RAB3B: variants seen among roughly 807,000 people sequenced by gnomAD.
RAB3B encodes the protein ras-related protein Rab-3B.
Under a neutral mutation model 20.5 loss-of-function variants are expected in RAB3B, and 11 were observed. The observed-to-expected ratio is 0.54, with a 90% CI of 0.34 to 0.89. The LOEUF (loss-of-function observed/expected upper bound fraction) is 0.89, where lower values mean the gene tolerates loss of function less well. Among genes scored for constraint, RAB3B ranks in the 40% least tolerant of loss-of-function variants. The pLI, the probability that RAB3B is intolerant of heterozygous loss-of-function variation, is 0.02. For synonymous variants in RAB3B, 99 were observed against 106.3 expected (o/e 0.93, Z 0.42); for missense variants, 225 against 280.9 (o/e 0.80, Z 1.42).
chr1:51,965,514 G>C (rs978737363), intron 2 of RAB3B, among the ~76,000 whole-genome samples: 4 of 151,966 alleles, frequency 2.6e-5, no homozygotes, highest in Non-Finnish European at 4.4e-5. Flanking sequence ...GGGTGCGGTG[G>C]GGGGCACGTG....
chr1:51,921,159 A>G (rs1218248759), intron 4 of RAB3B, among the ~76,000 whole-genome samples: 1 of 151,958 alleles, frequency 6.6e-6, no homozygotes, highest in Non-Finnish European at 1.5e-5. Flanking sequence ...CCTCTCCATC[A>G]GTCCCCAGCC....
chr1:51,908,640 A>T lies in RAB3B; in HGVS notation c.*11287T>A, dbSNP rs1220264259. 4.6e-5 allele frequency: 7 copies of T among 151,968 alleles called. 1 individual carries two copies. The East Asian group carries it at 1.4e-3, about 30-fold the overall frequency. 9.4% of individuals were successfully genotyped at this position (151,968 alleles called of 1,614,324 possible). A position where few individuals can be genotyped will look rare whatever the true frequency, so the allele number is the denominator to read the frequency against. ...AAGCAGAGGAAGTCATACGTAGACA[A>T]AACAGATGTTTAGGTTTTCTCTTCA... On this transcript the variant is annotated 3_prime_UTR_variant, in exon 5 of 5. Transcript: ENST00000371655.
At chr1:51,967,521 C>CTTTTTTTTTTTTTTCTT (rs1684871635) in intron 2 of RAB3B, among the ~76,000 whole-genome samples, 1 of 36,496 alleles carries the variant, frequency 2.7e-5, no homozygotes, top group African/African-American at 6.8e-5. Flanking sequence ...TTTTCTTTTT[C>CTTTTTTTTTTTTTTCTT]TTTTTTTTTT....
At chr1:51,929,461 G>C (rs896190245) in intron 4 of RAB3B, among the ~76,000 whole-genome samples, 2 of 152,004 alleles carry the variant, frequency 1.3e-5, no homozygotes, top group Non-Finnish European at 1.5e-5. Flanking sequence ...CCGAGTAGCT[G>C]GGACTACATG....
At position 51,925,975 on chromosome 1, in the gene RAB3B, C is replaced by G. The variant is rs915783351; in HGVS notation, c.473-5861G>C. Among the ~76,000 whole-genome samples the G allele has an allele frequency of 5.3e-5, 8 of 152,308 alleles. 1 individual carries two copies. The highest frequency in any genetic ancestry group is 6.5e-5 in the Admixed American group (1 of 15,292). On this transcript the variant is annotated intron_variant, in intron 4 of 4. Coordinates refer to ENST00000371655, the MANE Select transcript of RAB3B (RefSeq NM_002867.4). Reference sequence around the variant, plus strand: ...AGAGGAGCAGCCCCTGCTGGGGGGCCAGCTGAGGCAGGGGGAAAATACCTG... The same window carrying G: ...AGAGGAGCAGCCCCTGCTGGGGGGCGAGCTGAGGCAGGGGGAAAATACCTG...
intron 1 of RAB3B, chr1:51,980,762 C>A: frequency 1.3e-6 from 1 of 754,522 alleles, no homozygotes; most frequent in Non-Finnish European, 2.4e-6. Context: ...GACCAAACAC[C>A]CCCACCCTGA....
At chr1:51,966,837 C>T (rs1285552798) in intron 2 of RAB3B, among the ~76,000 whole-genome samples, 3 of 152,170 alleles carry the variant, frequency 2.0e-5, no homozygotes, top group African/African-American at 7.2e-5. Flanking sequence ...TTTCCCTGTT[C>T]AGCCTCCAGA....
intron 4 of RAB3B, among the ~76,000 whole-genome samples, chr1:51,924,831 C>T (rs1684222774): frequency 6.6e-6 from 1 of 152,122 alleles, no homozygotes; most frequent in Non-Finnish European, 1.5e-5. Context: ...ACCTTTTCTT[C>T]AGGTTCATTA....
chr1:51,989,429 G>A (rs1396537273), intron 1 of RAB3B, among the ~76,000 whole-genome samples: 1 of 151,762 alleles, frequency 6.6e-6, no homozygotes, highest in Non-Finnish European at 1.5e-5. Context: ...GTGTAACAAG[G>A]TCCAGTGCCT....
In RAB3B at chr1:51,914,644, A is replaced by T. The variant is rs1166662702; in HGVS notation, c.*5283T>A. ...CCTTAAAAAACCATCATTTAACAGT[A>T]TTTATATCTCACGGACTAGTGTTTT... On this transcript the variant is annotated 3_prime_UTR_variant, in exon 5 of 5. Transcript: ENST00000371655. The T allele has an allele frequency of 6.6e-6, 1 of 152,190 alleles. No individual in the cohort carries two copies. Among genetic ancestry groups the T allele is most frequent in the Admixed American group, 6.5e-5 (1 of 15,278 alleles). The allele number at this position is 152,190 out of a possible 1,614,324, so 9.4% of individuals were successfully genotyped here.
intron 2 of RAB3B, chr1:51,973,475 G>C (rs925208080): frequency 6.6e-6 from 1 of 152,146 alleles, no homozygotes; most frequent in Non-Finnish European, 1.5e-5. Flanking sequence ...GAGGGGTTGG[G>C]CCTGGTTAGT....
intron 2 of RAB3B, among the ~76,000 whole-genome samples, chr1:51,948,074 C>T (rs1275595661): frequency 6.6e-6 from 1 of 152,188 alleles, no homozygotes; most frequent in Admixed American, 6.5e-5. Context: ...TATTCAAATC[C>T]TTACACTTCC....
At chr1:51,929,128 A>C (rs1427585672) in intron 4 of RAB3B, among the ~76,000 whole-genome samples, 2 of 152,130 alleles carry the variant, frequency 1.3e-5, no homozygotes, top group Non-Finnish European at 2.9e-5. Context: ...TCTGGGATTG[A>C]TTCATAGTGG....
At chr1:51,943,601 T>C (rs1405008976) in intron 2 of RAB3B, among the ~76,000 whole-genome samples, 3 of 152,204 alleles carry the variant, frequency 2.0e-5, no homozygotes, top group East Asian at 1.9e-4. Context: ...TGTAAATTTA[T>C]TGAAGGAAAT....
Position 51,944,490 on chromosome 1 carries a change from A to G in RAB3B, c.229-7078T>C, listed in dbSNP as rs563596856. Among the ~76,000 whole-genome samples, 4 of 152,356 alleles carry G rather than the reference A, an allele frequency of 2.6e-5. No homozygotes were observed. In the East Asian group the frequency reaches 7.7e-4, roughly 29 times the overall value. ...CAAAGTAAATTGAAAACTTTCTGGA[A>G]GGAATTCACCATTCTACCATTAAGA... On this transcript the variant is annotated intron_variant, in intron 2 of 4. Transcript: ENST00000371655.
chr1:51,978,432 T>G (rs2124313527), intron 1 of RAB3B, among the ~76,000 whole-genome samples: 1 of 152,300 alleles, frequency 6.6e-6, no homozygotes, highest in South Asian at 2.1e-4. Context: ...TCCTTATTAT[T>G]CCAAAGCCTT....
intron 3 of RAB3B, among the ~76,000 whole-genome samples, chr1:51,933,862 A>G (rs1372907245): frequency 6.6e-6 from 1 of 152,224 alleles, no homozygotes. Flanking sequence ...GTGTGAAGAA[A>G]TGGTTTCTCT....
chr1:51,986,402 G>A (rs551731187), intron 1 of RAB3B, among the ~76,000 whole-genome samples: 33 of 152,002 alleles, frequency 2.2e-4, no homozygotes, highest in Admixed American at 1.4e-3. Context: ...CGCCTGCCTC[G>A]GCCTCCCAAA....
Position 51,937,314 on chromosome 1 carries a change from G to A in RAB3B, c.327C>T (p.Ser109=), listed in dbSNP as rs767543756. 9 of 1,610,016 alleles carry A rather than the reference G, an allele frequency of 5.6e-6. No homozygotes were observed. The highest frequency in any genetic ancestry group is 1.7e-5 in the Admixed American group (1 of 59,388). ...ILMYDITNEE[S]FNAVQDWATQ... is the part of the protein sequence containing the mutation. ...CATACCAGTCTTGGACAGCATTGAAGGACTCTTCATTGGTGATGTCATACA... is the reference window on the plus strand; with the variant it reads ...CATACCAGTCTTGGACAGCATTGAAAGACTCTTCATTGGTGATGTCATACA... Residue 109 remains serine, a synonymous_variant, in exon 3 of 5, where the codon TCC becomes TCT. Transcript: ENST00000371655.
Sources: gnomAD v4.1 joint callset for allele counts (sites outside exome capture counted in the v4.1 genomes callset) on GRCh38, gnomAD v4.1.1 for gene constraint, MANE v1.5 for transcripts, NCBI Gene and HGNC (gene_info 2026-07-23, HGNC 2026-07-21) for gene names.